Variants in PRKCB observed in about 807,000 individuals in gnomAD.
PRKCB encodes the protein protein kinase C beta type.
A neutral mutation model predicts 81.5 loss-of-function variants in PRKCB; 13 were observed. The ratio of observed to expected loss-of-function variants is 0.16; its 90% confidence interval spans 0.10 to 0.25. The LOEUF (loss-of-function observed/expected upper bound fraction) is 0.25, where lower values mean the gene tolerates loss of function less well. Among genes scored for constraint, PRKCB ranks in the 10% least tolerant of loss-of-function variants. The probability of loss-of-function intolerance (pLI) is 1.00; values close to 1 mark genes in which losing one functional copy is unlikely to be tolerated. For synonymous variants in PRKCB, 335 were observed against 321.4 expected (o/e 1.04, Z -0.45); for missense variants, 509 against 875.7 (o/e 0.58, Z 5.29).
At chr16:23,923,079 C>G (rs894410846) in intron 2 of PRKCB, among the ~76,000 whole-genome samples, 3 of 152,010 alleles carry the variant, frequency 2.0e-5, no homozygotes, top group African/African-American at 7.2e-5. Flanking sequence ...TGGGACAGAA[C>G]CTTAAAATTC....
chr16:24,093,275 G>A (rs1249665848), intron 6 of PRKCB, among the ~76,000 whole-genome samples: 2 of 152,138 alleles, frequency 1.3e-5, no homozygotes, highest in African/African-American at 4.8e-5. Flanking sequence ...CAGCAAATAG[G>A]GGAACATAAC....
At chr16:24,014,554 G>A (rs1189896825) in intron 3 of PRKCB, among the ~76,000 whole-genome samples, 1 of 152,172 alleles carries the variant, frequency 6.6e-6, no homozygotes, top group African/African-American at 2.4e-5. Flanking sequence ...GATCACAGAT[G>A]TCATTTTTAT....
At chr16:24,159,686 T>C (rs918108687) in intron 10 of PRKCB, among the ~76,000 whole-genome samples, 15 of 152,150 alleles carry the variant, frequency 9.9e-5, no homozygotes, top group African/African-American at 3.6e-4. Flanking sequence ...TTCCTGGTTT[T>C]GGCTTATAGA....
At chr16:24,045,986 G>A (rs1965758839) in intron 5 of PRKCB, among the ~76,000 whole-genome samples, 6 of 152,250 alleles carry the variant, frequency 3.9e-5, no homozygotes, top group Admixed American at 1.3e-4. Flanking sequence ...AGTCCCGCCA[G>A]GGCTGGAATC....
rs1596558216 is a variant in PRKCB, at chr16:24,123,706, T to C, written c.919-129T>C. 22 of 909,204 alleles carry C rather than the reference T, an allele frequency of 2.4e-5. No homozygotes were observed. In the East Asian group the frequency reaches 5.2e-4, roughly 22 times the overall value. 56.3% of individuals were successfully genotyped at this position (909,204 alleles called of 1,614,324 possible). A position where few individuals can be genotyped will look rare whatever the true frequency, so the allele number is the denominator to read the frequency against. On this transcript the variant is annotated intron_variant, in intron 8 of 16. Transcript: ENST00000643927. ...GGTTTCAGGCTTGTGGAGTGATGCA[T>C]GGCTATGCTTTTCATGGGGACAGGG...
intron 3 of PRKCB, among the ~76,000 whole-genome samples, chr16:24,023,273 C>T (rs2141848040): frequency 1.3e-5 from 2 of 152,318 alleles, no homozygotes; most frequent in Middle Eastern, 6.8e-3. Flanking sequence ...TGATGGCTTA[C>T]AGGCCATGAG....
intron 2 of PRKCB, among the ~76,000 whole-genome samples, chr16:23,883,115 C>G (rs1190886334): frequency 1.3e-5 from 2 of 152,020 alleles, no homozygotes; most frequent in Non-Finnish European, 2.9e-5. Context: ...CTCCATGGAG[C>G]TGATATTCAG....
chr16:23,838,045 C>T (rs1324375358), intron 2 of PRKCB, among the ~76,000 whole-genome samples: 1 of 152,200 alleles, frequency 6.6e-6, no homozygotes. Flanking sequence ...GGACTCTAAC[C>T]AGGGGTATCA....
intron 12 of PRKCB, among the ~76,000 whole-genome samples, chr16:24,177,132 G>A (rs949714905): frequency 2.6e-5 from 4 of 152,166 alleles, no homozygotes; most frequent in African/African-American, 7.2e-5. Flanking sequence ...AAGTTTATTG[G>A]AAGAAAATCC....
chr16:24,044,852 G>A (rs577507698), intron 5 of PRKCB, among the ~76,000 whole-genome samples: 21 of 152,330 alleles, frequency 1.4e-4, no homozygotes, highest in South Asian at 1.2e-3. Context: ...GTTAGGTTGC[G>A]TAAAAATATA....
chr16:24,047,538 A>G (rs1030109705), intron 5 of PRKCB, among the ~76,000 whole-genome samples: 5 of 137,980 alleles, frequency 3.6e-5, no homozygotes, highest in Admixed American at 7.2e-5. Flanking sequence ...CTCTCCTTCT[A>G]AAAAAAAAAA....
chr16:24,133,517 T>C (rs532625841), intron 9 of PRKCB, among the ~76,000 whole-genome samples: 114 of 152,290 alleles, frequency 7.5e-4, no homozygotes, highest in African/African-American at 2.7e-3. Context: ...CTCTAGTGAG[T>C]GCAGTGACTC....
chr16:24,134,407 C>T (rs1187864628), intron 9 of PRKCB, among the ~76,000 whole-genome samples: 2 of 152,048 alleles, frequency 1.3e-5, no homozygotes, highest in African/African-American at 2.4e-5. Flanking sequence ...ACCAGCCCAG[C>T]CTGAGCAACA....
At chr16:24,013,256 C>G (rs1268299701) in intron 3 of PRKCB, among the ~76,000 whole-genome samples, 1 of 152,088 alleles carries the variant, frequency 6.6e-6, no homozygotes, top group South Asian at 2.1e-4. Context: ...TAGGTTGGTG[C>G]AAAAGTAATT....
intron 3 of PRKCB, chr16:24,031,913 C>A: frequency 2.5e-6 from 1 of 404,608 alleles, no homozygotes; most frequent in Non-Finnish European, 4.5e-6. Context: ...GAGCATGGGG[C>A]TGCAAAGGGA....
chr16:24,042,494 A>G (rs1965712678), intron 5 of PRKCB, among the ~76,000 whole-genome samples: 1 of 152,142 alleles, frequency 6.6e-6, no homozygotes, highest in Non-Finnish European at 1.5e-5. Flanking sequence ...GCAAACACTC[A>G]TTTATCCACC....
intron 2 of PRKCB, among the ~76,000 whole-genome samples, chr16:23,912,107 C>T (rs1025541315): frequency 1.3e-5 from 2 of 152,070 alleles, no homozygotes; most frequent in Non-Finnish European, 2.9e-5. Flanking sequence ...GCTGGGATTA[C>T]AGACATGAGC....
intron 2 of PRKCB, among the ~76,000 whole-genome samples, chr16:23,933,745 C>T (rs1217881532): frequency 1.4e-5 from 2 of 141,822 alleles, no homozygotes. Context: ...ATCCATTCGT[C>T]CATCCATCTA....
At chr16:23,868,063 T>G (rs2141096857) in intron 2 of PRKCB, among the ~76,000 whole-genome samples, 1 of 152,300 alleles carries the variant, frequency 6.6e-6, no homozygotes, top group South Asian at 2.1e-4. Context: ...AAGATCTCCT[T>G]ATACACTGAC....
Sources: allele counts gnomAD v4.1 joint callset (sites outside exome capture counted in the v4.1 genomes callset), GRCh38; gene constraint gnomAD v4.1.1; transcripts MANE v1.5; gene names NCBI Gene and HGNC (gene_info 2026-07-23, HGNC 2026-07-21).